The following SGCD variants were observed in gnomAD, a reference collection of about 807,000 sequenced individuals.
SGCD encodes the protein sarcoglycan delta.
In SGCD, 18 loss-of-function variants were observed where a neutral mutation model predicts 36.6. The observed-to-expected ratio is 0.49, with a 90% CI of 0.34 to 0.73. SGCD has a LOEUF of 0.73. Ranked by LOEUF, SGCD falls within the 30% of genes least tolerant of loss-of-function variation. The pLI, the probability that SGCD is intolerant of heterozygous loss-of-function variation, is 0.01. For missense variants in SGCD, 387 were observed against 346.7 expected (o/e 1.12, Z -0.92); for synonymous variants, 133 against 130.6 (o/e 1.02, Z -0.12).
At chr5:156,580,533 C>T (rs1760209341) in intron 4 of SGCD, among the ~76,000 whole-genome samples, 1 of 152,178 alleles carries the variant, frequency 6.6e-6, no homozygotes. Context: ...CTTTCAGGTA[C>T]ACCAATGAAA....
chr5:156,605,230 G>A (rs1409309862), intron 6 of SGCD, among the ~76,000 whole-genome samples: 1 of 152,012 alleles, frequency 6.6e-6, no homozygotes, highest in Admixed American at 6.6e-5. Context: ...GCCTCGGTGT[G>A]TGATGTTCCC....
At chr5:156,688,360 G>A (rs1753983606) in intron 7 of SGCD, among the ~76,000 whole-genome samples, 1 of 152,168 alleles carries the variant, frequency 6.6e-6, no homozygotes, top group South Asian at 2.1e-4. Flanking sequence ...AGCAAGTACT[G>A]TTTATAATGA....
chr5:155,975,617 T>C (rs1286741018), intron 1 of SGCD, among the ~76,000 whole-genome samples: 5 of 74,200 alleles, frequency 6.7e-5, no homozygotes, highest in Non-Finnish European at 1.3e-4. Context: ...TCCTTTTTTT[T>C]TTTTTTTTTT....
intron 1 of SGCD, among the ~76,000 whole-genome samples, chr5:156,081,481 C>T (rs1049346122): frequency 6.6e-6 from 1 of 152,270 alleles, no homozygotes; most frequent in East Asian, 1.9e-4. Flanking sequence ...CAGCATTGAT[C>T]TCCCTGGAAT....
At chr5:156,665,104 G>T (rs1259139335) in intron 7 of SGCD, among the ~76,000 whole-genome samples, 1 of 152,052 alleles carries the variant, frequency 6.6e-6, no homozygotes, top group East Asian at 1.9e-4. Flanking sequence ...CTGACTTTCT[G>T]GGGGTGGCCG....
chr5:156,279,437 T>C (rs891007500), intron 3 of SGCD, among the ~76,000 whole-genome samples: 3 of 152,196 alleles, frequency 2.0e-5, no homozygotes, highest in Non-Finnish European at 2.9e-5. Context: ...TCTCCCAAAT[T>C]GGATCTTTAC....
intron 3 of SGCD, among the ~76,000 whole-genome samples, chr5:156,183,143 G>A: frequency 6.6e-6 from 1 of 152,094 alleles, no homozygotes; most frequent in Non-Finnish European, 1.5e-5. Context: ...GGCTGGGTGT[G>A]GTGCTGGAGA....
Position 156,762,361 on chromosome 5 carries a change from T to C in SGCD, c.*2971T>C, listed in dbSNP as rs1757514220. 2 of 152,670 alleles carry C rather than the reference T, an allele frequency of 1.3e-5. No homozygotes were observed. Among genetic ancestry groups the C allele is most frequent in the African/African-American group, 2.4e-5 (1 of 41,464 alleles). 9.5% of individuals were successfully genotyped at this position (152,670 alleles called of 1,614,324 possible). On this transcript the variant is annotated 3_prime_UTR_variant, in exon 9 of 9. Transcript: ENST00000337851. The stretch of plus-strand genomic sequence containing the variant: ...TCAACATTTACTTCTATTTGATATC[T>C]GCTCAAGAAGTCATAGAAGTCTTGG...
chr5:155,779,174 T>G, the SGCD span, among the ~76,000 whole-genome samples: 1 of 152,176 alleles, frequency 6.6e-6, no homozygotes, highest in Non-Finnish European at 1.5e-5. Flanking sequence ...TAAAAATATT[T>G]ATCCACGTGC....
the SGCD span, among the ~76,000 whole-genome samples, chr5:155,819,916 T>C: frequency 1.3e-5 from 2 of 152,128 alleles, no homozygotes; most frequent in African/African-American, 4.8e-5. Flanking sequence ...ATCAAAACAA[T>C]ATTAGCCTCT....
chr5:156,420,316 G>A (rs935629472), intron 3 of SGCD, among the ~76,000 whole-genome samples: 5 of 152,050 alleles, frequency 3.3e-5, no homozygotes, highest in Non-Finnish European at 1.5e-5. Context: ...GTTTAGTATA[G>A]CATAAATGCA....
chr5:155,840,648 T>G, the SGCD span, among the ~76,000 whole-genome samples: 1 of 151,710 alleles, frequency 6.6e-6, no homozygotes, highest in Non-Finnish European at 1.5e-5. Flanking sequence ...GCATGTATTT[T>G]CTGCCTCAGT....
rs142084911 is a variant in SGCD at position 156,082,803 on chromosome 5, G to A, written c.-281-35075G>A. Reference sequence around the variant, plus strand: ...AGCACAGTTGCTGGGTCATATGGTAGTTGCATGTTTAATTTTTTTTGCAAA... The same window carrying A: ...AGCACAGTTGCTGGGTCATATGGTAATTGCATGTTTAATTTTTTTTGCAAA... On this transcript the variant is annotated intron_variant, in intron 1 of 9. Coordinates refer to the SGCD transcript ENST00000517913. Among the ~76,000 whole-genome samples the A allele has an allele frequency of 2.7e-3, 412 of 152,302 alleles. 2 individuals are homozygous for A. The highest frequency in any genetic ancestry group is 9.5e-3 in the African/African-American group (396 of 41,568).
At chr5:156,652,927 G>A (rs1019503087) in intron 7 of SGCD, among the ~76,000 whole-genome samples, 6 of 152,062 alleles carry the variant, frequency 3.9e-5, no homozygotes, top group African/African-American at 9.7e-5. Context: ...AACTATCCTT[G>A]CATCCCAGGA....
chr5:156,746,185 ACTT>A (rs1190809628), intron 7 of SGCD, among the ~76,000 whole-genome samples: 1 of 152,030 alleles, frequency 6.6e-6, no homozygotes, highest in African/African-American at 2.4e-5. Flanking sequence ...CTGACAGCTG[ACTT>A]CTTCATCACA....
intron 3 of SGCD, among the ~76,000 whole-genome samples, chr5:156,167,279 T>C (rs928854913): frequency 1.3e-5 from 2 of 152,218 alleles, no homozygotes. Flanking sequence ...TCAGCACATA[T>C]TGCAGTTTCT....
chr5:156,432,208 G>A (rs1753052908), intron 3 of SGCD, among the ~76,000 whole-genome samples: 2 of 152,330 alleles, frequency 1.3e-5, no homozygotes, highest in East Asian at 1.9e-4. Flanking sequence ...TTCCTCCATT[G>A]TAGATAGGCT....
At chr5:156,109,903 A>G (rs1761743882) in intron 1 of SGCD, among the ~76,000 whole-genome samples, 1 of 152,178 alleles carries the variant, frequency 6.6e-6, no homozygotes, top group Non-Finnish European at 1.5e-5. Context: ...TGTTAGGACA[A>G]CTATGGGTTA....
At chr5:156,638,614 GT>G (rs1762918725) in intron 6 of SGCD, among the ~76,000 whole-genome samples, 1 of 152,120 alleles carries the variant, frequency 6.6e-6, no homozygotes, top group Non-Finnish European at 1.5e-5. Context: ...AGTTGAAATT[GT>G]TTGTTATACT....
Sources: allele counts gnomAD v4.1 joint callset (sites outside exome capture counted in the v4.1 genomes callset), GRCh38; gene constraint gnomAD v4.1.1; transcripts MANE v1.5; gene names NCBI Gene and HGNC (gene_info 2026-07-23, HGNC 2026-07-21).